The following PRDM16 variants were observed in gnomAD, a reference collection of about 807,000 sequenced individuals.
PRDM16 encodes histone-lysine N-methyltransferase PRDM16.
A neutral mutation model predicts 110.6 loss-of-function variants in PRDM16; 23 were observed. The ratio of observed to expected loss-of-function variants is 0.21; its 90% confidence interval spans 0.15 to 0.29. PRDM16 has a LOEUF of 0.29. PRDM16 is among the 10% of genes least tolerant of loss of function. The pLI, the probability that PRDM16 is intolerant of heterozygous loss-of-function variation, is 1.00. For synonymous variants in PRDM16, 799 were observed against 781.8 expected (o/e 1.02, Z -0.37); for missense variants, 1,615 against 1,794.3 (o/e 0.90, Z 1.81).
At position 3,350,759 on chromosome 1, in the gene PRDM16, C is replaced by T. The variant is rs1292642113; in HGVS notation, c.439-34393C>T. Among the ~76,000 whole-genome samples, 6 of 152,132 alleles carry T rather than the reference C, an allele frequency of 3.9e-5. No individual in the cohort carries two copies. Among genetic ancestry groups the T allele is most frequent in the African/African-American group, 4.8e-5 (2 of 41,432 alleles). On this transcript the variant is annotated intron_variant, in intron 3 of 16. Coordinates refer to ENST00000270722, the MANE Select transcript of PRDM16 (RefSeq NM_022114.4). This position sits in a 1 kb window ranked among gnomAD's most constrained non-coding sequence, Gnocchi z 7.1. ...CCCAGGACAAGAGCTTTGTGTCTGC[C>T]GACTTCTTCCCAATGCCGCGTCCAG...
chr1:3,249,184 C>T (rs1232126989), intron 3 of PRDM16, among the ~76,000 whole-genome samples: 2 of 151,732 alleles, frequency 1.3e-5, no homozygotes, highest in African/African-American at 4.8e-5. Context: ...GTATTGTTTT[C>T]CTCCTAAAGG....
intron 1 of PRDM16, among the ~76,000 whole-genome samples, chr1:3,129,309 G>C (rs540822053): frequency 1.1e-4 from 7 of 64,656 alleles, no homozygotes; most frequent in African/African-American, 4.3e-4. Context: ...TCAGTGTCCT[G>C]CCTGGTGTGT....
chr1:3,401,545 C>T (rs1213021813), intron 5 of PRDM16, among the ~76,000 whole-genome samples: 3 of 136,712 alleles, frequency 2.2e-5, no homozygotes, highest in Non-Finnish European at 5.1e-5. Flanking sequence ...CATATACAAG[C>T]ATGTGTACAC....
intron 6 of PRDM16, among the ~76,000 whole-genome samples, chr1:3,403,495 G>A (rs1643509164): frequency 6.6e-6 from 1 of 152,238 alleles, no homozygotes; most frequent in South Asian, 2.1e-4. Context: ...TGGTAGGCAA[G>A]AGCCAGAAGG....
chr1:3,198,804 A>T (rs887572740), intron 2 of PRDM16, among the ~76,000 whole-genome samples: 16 of 152,168 alleles, frequency 1.1e-4, no homozygotes, highest in African/African-American at 3.9e-4. Context: ...TTCTGGGCTA[A>T]TGCCCAGTTT....
At chr1:3,411,352 C>A (rs763392626) in intron 8 of PRDM16, 32 bp from the exon 9 acceptor site, 2 of 1,574,690 alleles carry the variant, frequency 1.3e-6, no homozygotes, top group African/African-American at 1.4e-5. Flanking sequence ...TCATTTCATG[C>A]GGGTTTGTCT....
chr1:3,140,691 G>C (rs915472288), intron 1 of PRDM16, among the ~76,000 whole-genome samples: 1 of 151,994 alleles, frequency 6.6e-6, no homozygotes, highest in African/African-American at 2.4e-5. Flanking sequence ...GAAGGCGTAT[G>C]GGGGGTGCAT....
intron 1 of PRDM16, among the ~76,000 whole-genome samples, chr1:3,071,494 G>C (rs1460597904): frequency 6.6e-6 from 1 of 152,258 alleles, no homozygotes; most frequent in Non-Finnish European, 1.5e-5. Flanking sequence ...CTCCTTCCAG[G>C]CTCCACAGCT....
At position 3,434,816 on chromosome 1, in the gene PRDM16, G is replaced by A. The variant is rs59919662; in HGVS notation, c.*1005G>A. 2,955 of 232,144 alleles carry A rather than the reference G, an allele frequency of 0.013. 84 individuals carry two copies. The highest frequency in any genetic ancestry group is 0.06 in the African/African-American group (2,738 of 45,376). 14.4% of individuals were successfully genotyped at this position (232,144 alleles called of 1,614,324 possible). ...TGTCCCTGCCTCGGCCACCCCACGC[G>A]GGAACCCAGCGCCGTCCTCTGAAGG... is the stretch of plus-strand genomic sequence containing the variant. On this transcript the variant is annotated 3_prime_UTR_variant, in exon 17 of 17. Transcript: ENST00000270722.
At position 3,414,702 on chromosome 1, in the gene PRDM16, T is replaced by C. The variant is rs1161086433; in HGVS notation, c.2691+55T>C. On this transcript the variant is annotated intron_variant, in intron 10 of 16. Transcript: ENST00000270722. ...TGTAACCCACACGCCAGTGGCCCCA[T>C]CTCCCGGCTGTCGAGGCTCAGTGGC... The C allele has an allele frequency of 5.0e-6, 7 of 1,404,850 alleles. No homozygotes were observed. The Admixed American group carries it at 1.1e-4, about 22-fold the overall frequency. 87.0% of individuals were successfully genotyped at this position (1,404,850 alleles called of 1,614,324 possible).
intron 1 of PRDM16, among the ~76,000 whole-genome samples, chr1:3,119,040 G>A (rs1033313687): frequency 1.5e-4 from 23 of 152,342 alleles, no homozygotes; most frequent in Admixed American, 1.2e-3. Context: ...TGTAGAGCTG[G>A]GGGTGGCCCG....
Position 3,411,928 on chromosome 1 carries a change from G to A in PRDM16, c.1731G>A (p.Glu577=), listed in dbSNP as rs778667741. ...CGACGGCAGCTGCGGGGCCCGAGGA[G>A]AAGTTCGAGAGCCGCCTGGAGGACT... ...QGTTAAAGPE[E]KFESRLEDSC... The change falls in exon 9 of 17, where the codon GAG becomes GAA. Residue 577 remains glutamate (E), a synonymous_variant. Coordinates refer to ENST00000270722, the MANE Select transcript of PRDM16 (RefSeq NM_022114.4). 19 of 1,613,650 alleles carry A rather than the reference G, an allele frequency of 1.2e-5. No homozygotes were observed. The highest frequency in any genetic ancestry group is 3.3e-5 in the Admixed American group (2 of 60,004).
intron 2 of PRDM16, among the ~76,000 whole-genome samples, chr1:3,187,931 A>G (rs977298571): frequency 4.6e-5 from 7 of 152,232 alleles, no homozygotes; most frequent in African/African-American, 1.7e-4. Context: ...CCCCTGTGGA[A>G]CGGGCGTACC....
intron 14 of PRDM16, among the ~76,000 whole-genome samples, chr1:3,430,099 C>A (rs1638726409): frequency 6.6e-6 from 1 of 152,178 alleles, no homozygotes; most frequent in African/African-American, 2.4e-5. Flanking sequence ...GCCCGGGGGC[C>A]CTCAGCTCCC....
rs146536462 is a variant in PRDM16 at position 3,391,428 on chromosome 1, G to A, written c.574-5063G>A. ...CTACGCAAACCACCTGTCAGGATTTGTATATTCCTTTCCTGCTCGTTACAG... is the reference window on the plus strand; with the variant it reads ...CTACGCAAACCACCTGTCAGGATTTATATATTCCTTTCCTGCTCGTTACAG... On this transcript the variant is annotated intron_variant, in intron 4 of 16. Transcript: ENST00000270722. Among the ~76,000 whole-genome samples the A allele has an allele frequency of 9.6e-4, 146 of 152,284 alleles. 1 individual carries two copies. The highest frequency in any genetic ancestry group is 3.0e-3 in the African/African-American group (126 of 41,558).
At chr1:3,114,223 ACACG>A (rs1201826231) in intron 1 of PRDM16, among the ~76,000 whole-genome samples, 1 of 125,332 alleles carries the variant, frequency 8.0e-6, no homozygotes, top group East Asian at 2.6e-4. Context: ...ACACGAACAC[ACACG>A]CACACACGCA....
In PRDM16 at chr1:3,180,906, TCTTACACGCAGC is replaced by T. The variant is rs1489673335; in HGVS notation, c.38-5211_38-5200del. 2.3e-3 allele frequency among the ~76,000 whole-genome samples: 304 copies of T among 133,870 alleles called. 2 individuals are homozygous for T. The highest frequency in any genetic ancestry group is 7.5e-3 in the African/African-American group (282 of 37,520). 87.8% of individuals were successfully genotyped at this position (133,870 alleles called of 152,430 possible). On this transcript the variant is annotated intron_variant, in intron 1 of 16. Coordinates refer to ENST00000270722, the MANE Select transcript of PRDM16 (RefSeq NM_022114.4). Reference sequence around the variant, plus strand: ...CTTACACACGGCCTCACACACGCAGTCTTACACGCAGCCTTACACACGCAGCCACACACGCAG... The same window carrying T: ...CTTACACACGGCCTCACACACGCAGTCTTACACACGCAGCCACACACGCAG...
intron 3 of PRDM16, among the ~76,000 whole-genome samples, chr1:3,355,139 C>T (rs1002456438): frequency 7.2e-5 from 11 of 152,114 alleles, no homozygotes; most frequent in South Asian, 2.1e-4. Context: ...AGGATTGGAT[C>T]GTGGGCCACA....
chr1:3,109,083 A>AAATAATAAT (rs61356047), intron 1 of PRDM16, among the ~76,000 whole-genome samples: 3,477 of 145,376 alleles, frequency 0.024, 101 homozygotes, highest in East Asian at 0.074. Flanking sequence ...CTCCATCTCA[A>AAATAATAAT]AATAATAATA....
Sources: gnomAD v4.1 joint callset for allele counts (sites outside exome capture counted in the v4.1 genomes callset) on GRCh38, gnomAD v4.1.1 for gene constraint, Gnocchi (gnomAD v3.1) non-coding constraint, MANE v1.5 for transcripts, NCBI Gene and HGNC (gene_info 2026-07-23, HGNC 2026-07-21) for gene names.